UBR2: variants seen among roughly 807,000 people sequenced by gnomAD.
UBR2 encodes ubiquitin protein ligase E3 component n-recognin 2.
A neutral mutation model predicts 247.9 loss-of-function variants in UBR2; 92 were observed. That is an observed-to-expected ratio of 0.37 (90% confidence interval 0.31 to 0.44). UBR2 has a LOEUF of 0.44. Ranked by LOEUF, UBR2 falls within the 20% of genes least tolerant of loss-of-function variation. UBR2 has a pLI of 1.00. For missense variants in UBR2, 1,613 were observed against 2,112.6 expected, an observed-to-expected ratio of 0.76 and a Z score of 4.64; for synonymous variants, 672 against 693.5, an observed-to-expected ratio of 0.97 and a Z score of 0.49.
chr6:42,614,974 A>T, intron 8 of UBR2, 97 bp from the exon 9 acceptor site: 1 of 969,122 alleles, frequency 1.0e-6, no homozygotes, highest in Non-Finnish European at 1.5e-6. Flanking sequence ...TTAAGAAAAC[A>T]TTTAAAACTC....
At chr6:42,607,646 C>T (rs1582515324) in intron 7 of UBR2, among the ~76,000 whole-genome samples, 1 of 52,710 alleles carries the variant, frequency 1.9e-5, no homozygotes, top group Admixed American at 2.0e-4. Context: ...TCTTGAGTAG[C>T]TGGGAGGACA....
In UBR2 at chr6:42,564,204, T is replaced by C. The variant is rs1790639891; in HGVS notation, c.-116T>C. ...CCTCTGTTGCTCCACCTGCAGCCAC[T>C]TGGACGGCTCCGGGACTGATTGCCT... On this transcript the variant is annotated 5_prime_UTR_variant, in exon 1 of 47. Transcript: ENST00000372901. 4 of 1,213,476 alleles carry C rather than the reference T, an allele frequency of 3.3e-6. No individual in the cohort carries two copies. Among genetic ancestry groups the C allele is most frequent in the Non-Finnish European group, 4.6e-6 (4 of 866,336 alleles). The allele number at this position is 1,213,476 out of a possible 1,614,324, so 75.2% of individuals were successfully genotyped here.
intron 4 of UBR2, among the ~76,000 whole-genome samples, chr6:42,601,178 CTGTT>C (rs1444787559): frequency 2.0e-5 from 3 of 152,094 alleles, no homozygotes; most frequent in Admixed American, 6.5e-5. Context: ...AATGGAATGA[CTGTT>C]TGGTGAGATA....
intron 11 of UBR2, among the ~76,000 whole-genome samples, chr6:42,626,498 C>T (rs562865525): frequency 2.6e-5 from 4 of 152,268 alleles, no homozygotes; most frequent in Admixed American, 1.3e-4. Flanking sequence ...CAGTTGCCTT[C>T]GCTCAAAATA....
At chr6:42,647,888 ATTT>A (rs1324259210) in intron 21 of UBR2, among the ~76,000 whole-genome samples, 1 of 152,164 alleles carries the variant, frequency 6.6e-6, no homozygotes, top group Non-Finnish European at 1.5e-5. Flanking sequence ...AGTTTTATCT[ATTT>A]TATGTATTTA....
intron 2 of UBR2, among the ~76,000 whole-genome samples, chr6:42,586,900 C>G (rs1043721158): frequency 1.3e-5 from 2 of 150,298 alleles, no homozygotes; most frequent in Non-Finnish European, 3.0e-5. Flanking sequence ...CGGCTCACTG[C>G]AACCTCGCCT....
intron 44 of UBR2, among the ~76,000 whole-genome samples, chr6:42,686,630 C>T (rs1325180797): frequency 6.6e-6 from 1 of 152,244 alleles, no homozygotes; most frequent in African/African-American, 2.4e-5. Context: ...GGTAGAGAGG[C>T]TCCTCACTTC....
intron 14 of UBR2, 42 bp from the exon 15 acceptor site, chr6:42,636,969 C>G (rs1423428405): frequency 6.3e-7 from 1 of 1,585,604 alleles, no homozygotes; most frequent in East Asian, 2.3e-5. Flanking sequence ...GTTGTAAAAA[C>G]TCAACCTTTT....
Position 42,568,631 on chromosome 6 carries a change from G to T in UBR2, c.78+4234G>T, listed in dbSNP as rs541081600. On this transcript the variant is annotated intron_variant, in intron 1 of 46. Coordinates refer to ENST00000372901, the MANE Select transcript of UBR2 (RefSeq NM_001363705.2). ...TGTGGTCCCAGCTACTTGGGAGGCTGAGGCAGGAGAATGGCATGAACCCGG... is the reference window on the plus strand; with the variant it reads ...TGTGGTCCCAGCTACTTGGGAGGCTTAGGCAGGAGAATGGCATGAACCCGG... Among the ~76,000 whole-genome samples, 22 of 152,198 alleles carry T rather than the reference G, an allele frequency of 1.4e-4. No individual in the cohort carries two copies. In the South Asian group the frequency reaches 1.5e-3, roughly 10 times the overall value.
intron 2 of UBR2, among the ~76,000 whole-genome samples, chr6:42,582,210 G>A (rs913036861): frequency 1.1e-4 from 17 of 150,926 alleles, no homozygotes; most frequent in South Asian, 1.0e-3. Flanking sequence ...GTGAACCCGG[G>A]AGGTGGAGCT....
intron 25 of UBR2, among the ~76,000 whole-genome samples, 154 bp from the exon 26 acceptor site, chr6:42,655,464 AAAG>A (rs1480045214): frequency 6.6e-6 from 1 of 151,972 alleles, no homozygotes; most frequent in Non-Finnish European, 1.5e-5. Flanking sequence ...AAAAAAAAAA[AAAG>A]AAAAAAAAAT....
chr6:42,566,236 C>T (rs1427911677), intron 1 of UBR2, among the ~76,000 whole-genome samples: 1 of 151,974 alleles, frequency 6.6e-6, no homozygotes, highest in Non-Finnish European at 1.5e-5. Context: ...AAAAGTAGTG[C>T]GGGAGGCCAG....
At chr6:42,566,525 T>C (rs1790788814) in intron 1 of UBR2, among the ~76,000 whole-genome samples, 1 of 152,176 alleles carries the variant, frequency 6.6e-6, no homozygotes, top group Admixed American at 6.5e-5. Context: ...ACAGCTGGGA[T>C]TACAGGCGTA....
intron 1 of UBR2, among the ~76,000 whole-genome samples, chr6:42,573,322 A>G (rs1051667607): frequency 3.9e-5 from 6 of 152,186 alleles, no homozygotes; most frequent in Non-Finnish European, 8.8e-5. Flanking sequence ...GTTCATATTC[A>G]CCGTACACTC....
intron 23 of UBR2, among the ~76,000 whole-genome samples, chr6:42,651,101 C>T (rs1218518065): frequency 6.6e-6 from 1 of 151,812 alleles, no homozygotes; most frequent in Non-Finnish European, 1.5e-5. Flanking sequence ...ATGCACTTCT[C>T]GTCCCAGCTA....
Position 42,592,179 on chromosome 6 carries a change from T to G in UBR2, c.367T>G (p.Leu123Val), listed in dbSNP as rs1305491206. Residue 123 changes from leucine (L) to valine (V), a missense_variant, in exon 3 of 47, where the codon TTG (leucine) becomes GTG (valine). This residue lies in a region of UBR2 where 1,524 missense variants were observed against 1,967.3 expected (regional missense o/e 0.77). Transcript: ENST00000372901. ...CTGTGCAGTTGATCCAACTTGTGTTTTGTGCATGGAGTGCTTTTTGGGAAG... is the reference window on the plus strand; with the variant it reads ...CTGTGCAGTTGATCCAACTTGTGTTGTGTGCATGGAGTGCTTTTTGGGAAG... ...RDCAVDPTCV[L>V]CMECFLGSIH... 1 of 1,602,834 alleles carries G rather than the reference T, an allele frequency of 6.2e-7. No individual in the cohort carries two copies. The highest frequency in any genetic ancestry group is 8.5e-7 in the Non-Finnish European group (1 of 1,176,974).
chr6:42,591,717 G>A (rs1305431840), intron 2 of UBR2, among the ~76,000 whole-genome samples: 1 of 151,996 alleles, frequency 6.6e-6, no homozygotes, highest in Non-Finnish European at 1.5e-5. Context: ...GCCTTTCTAG[G>A]GATGTATACA....
intron 42 of UBR2, among the ~76,000 whole-genome samples, chr6:42,681,207 C>T (rs1407882094): frequency 1.4e-5 from 2 of 148,080 alleles, no homozygotes; most frequent in African/African-American, 5.0e-5. Context: ...GGTAACATGG[C>T]GAAACCCCAT....
chr6:42,643,633 T>C (rs1328418082), intron 18 of UBR2, among the ~76,000 whole-genome samples: 1 of 152,026 alleles, frequency 6.6e-6, no homozygotes, highest in Non-Finnish European at 1.5e-5. Flanking sequence ...AAGAAATGTA[T>C]ATTTCAAAAA....
Sources: gnomAD v4.1 joint callset for allele counts (sites outside exome capture counted in the v4.1 genomes callset) on GRCh38, gnomAD v4.1.1 for gene constraint, gnomAD v4.1.1 regional missense constraint, MANE v1.5 for transcripts, NCBI Gene and HGNC (gene_info 2026-07-23, HGNC 2026-07-21) for gene names.